ILDR2: variants seen among roughly 807,000 people sequenced by gnomAD.
ILDR2 encodes immunoglobulin like domain containing receptor 2, also known as immunoglobulin-like domain-containing receptor 2.
ILDR2 carries 25 observed loss-of-function variants against 66.8 expected under a neutral mutation model. That is an observed-to-expected ratio of 0.37 (90% CI 0.27 to 0.52). The LOEUF is 0.52. Among genes scored for constraint, ILDR2 ranks in the 20% least tolerant of loss-of-function variants. The pLI, the probability that ILDR2 is intolerant of heterozygous loss-of-function variation, is 0.88. For missense variants in ILDR2, 827 were observed against 876.8 expected (o/e 0.94, Z 0.72); for synonymous variants, 367 against 357.2 (o/e 1.03, Z -0.31).
At position 166,959,476 on chromosome 1, in the gene ILDR2, G is replaced by A. The variant is rs570093103; in HGVS notation, c.47-1375C>T. ...CAGTGGTGACCCAGCAAAGGGGACA[G>A]AGATGAAAAGGAAAATAAGTCTTTG... On this transcript the variant is annotated intron_variant, in intron 1 of 9. Transcript: ENST00000271417. Among the ~76,000 whole-genome samples the A allele has an allele frequency of 3.4e-4, 52 of 152,324 alleles. 1 individual carries two copies. The South Asian group carries it at 7.9e-3, about 23-fold the overall frequency.
chr1:166,933,626 A>G, intron 6 of ILDR2: 1 of 708,560 alleles, frequency 1.4e-6, no homozygotes, highest in Non-Finnish European at 1.7e-6. Flanking sequence ...AGTATTTGCT[A>G]TTCTATGAAT....
At chr1:166,896,374 C>CA (rs1170075179) in intron 2 of ILDR2, among the ~76,000 whole-genome samples, 1 of 152,036 alleles carries the variant, frequency 6.6e-6, no homozygotes, top group Non-Finnish European at 1.5e-5. Flanking sequence ...CAGGAGTCAG[C>CA]ATGTGAAGGA....
intron 6 of ILDR2, among the ~76,000 whole-genome samples, chr1:166,931,799 G>A (rs1571131181): frequency 6.6e-6 from 1 of 152,148 alleles, no homozygotes; most frequent in East Asian, 1.9e-4. Context: ...TTCTGGTTTG[G>A]GCTAAAAGGT....
intron 1 of ILDR2, among the ~76,000 whole-genome samples, chr1:166,959,644 C>A (rs745803350): frequency 2.0e-5 from 3 of 151,980 alleles, no homozygotes; most frequent in Non-Finnish European, 4.4e-5. Context: ...GCTTGGTGAC[C>A]AAGAAAGAAT....
At chr1:166,968,898 C>T (rs2102025401) in intron 1 of ILDR2, among the ~76,000 whole-genome samples, 1 of 152,182 alleles carries the variant, frequency 6.6e-6, no homozygotes, top group Middle Eastern at 3.4e-3. Context: ...GACTACAGGT[C>T]TCATATAATA....
rs1227105996 is a variant in ILDR2, at chr1:166,917,530, C to T, written c.*1825G>A. On this transcript the variant is annotated 3_prime_UTR_variant, in exon 10 of 10. Transcript: ENST00000271417. ...CTGCTGGATTAAGGGATAGCAAAGT[C>T]AAGCATTATCCTCCACTCCACAAGA... 1 of 152,156 alleles carries T rather than the reference C, an allele frequency of 6.6e-6. No homozygotes were observed. The highest frequency in any genetic ancestry group is 1.9e-4 in the East Asian group (1 of 5,192). The allele number at this position is 152,156 out of a possible 1,614,324, so 9.4% of individuals were successfully genotyped here. A position where few individuals can be genotyped will look rare whatever the true frequency, so the allele number is the denominator to read the frequency against.
chr1:166,927,000 C>A, intron 7 of ILDR2, 67 bp downstream of exon 7: 3 of 1,177,266 alleles, frequency 2.5e-6, no homozygotes, highest in Non-Finnish European at 3.6e-6. Flanking sequence ...TTTGGTGACC[C>A]CCAAATCCCC....
chr1:166,956,924 T>C (rs1431842157), intron 2 of ILDR2, 72 bp from the exon 3 acceptor site: 4 of 1,536,422 alleles, frequency 2.6e-6, no homozygotes, highest in Non-Finnish European at 2.7e-6. Context: ...ACAATGGGGG[T>C]TGGGAAGGGA....
chr1:166,928,831 A>G (rs527831159), intron 6 of ILDR2, among the ~76,000 whole-genome samples: 15 of 152,292 alleles, frequency 9.8e-5, no homozygotes, highest in Admixed American at 2.0e-4. Flanking sequence ...AATTACTTAG[A>G]AAAAAAATTA....
intron 1 of ILDR2, among the ~76,000 whole-genome samples, chr1:166,959,714 A>G (rs115971844): frequency 0.014 from 2,193 of 152,310 alleles, 49 homozygotes; most frequent in African/African-American, 0.05. Context: ...TCCCACATGA[A>G]CTCAATGATA....
Position 166,910,727 on chromosome 1 carries a change from G to C in ILDR2, c.*8628C>G, listed in dbSNP as rs1246885122. On this transcript the variant is annotated 3_prime_UTR_variant, in exon 10 of 10. Coordinates refer to ENST00000271417, the MANE Select transcript of ILDR2 (RefSeq NM_199351.3). Reference sequence around the variant, plus strand: ...AATTTTCACCTAAGTGGTGTGATGAGTATGATTAGGATGTCTCTGCCAAGA... The same window carrying C: ...AATTTTCACCTAAGTGGTGTGATGACTATGATTAGGATGTCTCTGCCAAGA... The C allele has an allele frequency of 6.6e-6, 1 of 152,242 alleles. No homozygotes were observed. The highest frequency in any genetic ancestry group is 1.5e-5 in the Non-Finnish European group (1 of 68,046). The allele number at this position is 152,242 out of a possible 1,614,324, so 9.4% of individuals were successfully genotyped here. A position where few individuals can be genotyped will look rare whatever the true frequency, so the allele number is the denominator to read the frequency against.
intron 2 of ILDR2, among the ~76,000 whole-genome samples, chr1:166,899,412 G>GAAAAGA (rs1557918449): frequency 4.0e-5 from 6 of 151,058 alleles, no homozygotes; most frequent in Admixed American, 2.6e-4. Context: ...AAAAAGAAAA[G>GAAAAGA]AAAAGAAAAA....
chr1:166,939,659 C>T lies in ILDR2; in HGVS notation c.500-89G>A, dbSNP rs188532965. The T allele has an allele frequency of 4.7e-3, 4,822 of 1,029,852 alleles. 27 individuals carry two copies. Among genetic ancestry groups the T allele is most frequent in the Non-Finnish European group, 5.3e-3 (3,521 of 658,656 alleles). 63.8% of individuals were successfully genotyped at this position (1,029,852 alleles called of 1,614,324 possible). A position where few individuals can be genotyped will look rare whatever the true frequency, so the allele number is the denominator to read the frequency against. The stretch of plus-strand genomic sequence containing the variant: ...GCCTGGCTCCAGTTGGTACCATCCA[C>T]ACGTGCGGCCATTAGTGCATGCTCT... On this transcript the variant is annotated intron_variant, in intron 3 of 9. Coordinates refer to ENST00000271417, the MANE Select transcript of ILDR2 (RefSeq NM_199351.3).
In ILDR2 at chr1:166,921,131, G is replaced by A. The variant is rs765131718; in HGVS notation, c.1460C>T (p.Pro487Leu). The change falls in exon 9 of 10, where the codon CCC becomes CTC. Residue 487 changes from proline (P) to leucine (L), a missense_variant. By Grantham distance (98) the Pro-to-Leu change is moderately conservative (BLOSUM62 -3). Around this residue, in one of 2 missense-constraint regions of ILDR2, gnomAD observed 390 missense variants for 353.6 expected, o/e 1.10. Coordinates refer to ENST00000271417, the MANE Select transcript of ILDR2 (RefSeq NM_199351.3). This position sits in a 1 kb window ranked among gnomAD's most constrained non-coding sequence, Gnocchi z 5.3. The stretch of plus-strand genomic sequence containing the variant: ...CCAGCCGCGGTCAGCATCGGTCAGG[G>A]GCTCGCGGCTGCGGCTGCGCTGACC... ...YYGQRSRSREPLTDADRGWAF... is the reference protein window; with the variant it reads ...YYGQRSRSRELLTDADRGWAF... 2.6e-6 allele frequency: 4 copies of A among 1,530,138 alleles called. No individual in the cohort carries two copies. The highest frequency in any genetic ancestry group is 3.9e-5 in the Admixed American group (2 of 50,746). 94.8% of individuals were successfully genotyped at this position (1,530,138 alleles called of 1,614,324 possible). A position where few individuals can be genotyped will look rare whatever the true frequency, so the allele number is the denominator to read the frequency against.
chr1:166,960,691 A>G (rs898450138), intron 1 of ILDR2, among the ~76,000 whole-genome samples: 3 of 152,164 alleles, frequency 2.0e-5, no homozygotes, highest in Non-Finnish European at 4.4e-5. Flanking sequence ...TTACATCCAG[A>G]TTATGTAGAT....
In ILDR2 at chr1:166,957,780, G is replaced by A. The variant is rs772645430; in HGVS notation, c.368C>T (p.Thr123Met). 5.0e-6 allele frequency: 8 copies of A among 1,610,028 alleles called. No homozygotes were observed. Among genetic ancestry groups the A allele is most frequent in the African/African-American group, 2.7e-5 (2 of 74,814 alleles). ...LGDFYRGREI[T>M]IVHDADLQIG... ...AGGGGCATTATTACCATGAACAATCGTGATCTCTCTGCCCCTGTAGAAATC... is the reference window on the plus strand; with the variant it reads ...AGGGGCATTATTACCATGAACAATCATGATCTCTCTGCCCCTGTAGAAATC... Residue 123 changes from threonine (T) to methionine (M), a missense_variant, in exon 2 of 10, where the codon ACG becomes ATG. Around this residue, in one of 2 missense-constraint regions of ILDR2, gnomAD observed 437 missense variants for 523.2 expected, o/e 0.84. Coordinates refer to ENST00000271417, the MANE Select transcript of ILDR2 (RefSeq NM_199351.3).
intron 6 of ILDR2, among the ~76,000 whole-genome samples, chr1:166,927,516 C>T (rs1353195333): frequency 2.0e-5 from 3 of 152,194 alleles, no homozygotes; most frequent in Non-Finnish European, 2.9e-5. Flanking sequence ...ATTGGAGGAG[C>T]ATATTCACAC....
rs752331552 is a variant in ILDR2 at position 166,921,323 on chromosome 1, G to T, written c.1268C>A (p.Pro423Gln). 2 of 1,588,592 alleles carry T rather than the reference G, an allele frequency of 1.3e-6. No homozygotes were observed. Among genetic ancestry groups the T allele is most frequent in the Admixed American group, 3.4e-5 (2 of 58,698 alleles). ...LSRKNFATGV[P>Q]AVSMDELAAF... is the part of the protein sequence containing the mutation. Reference sequence around the variant, plus strand: ...CGCCAGCTCGTCCATGGAAACGGCCGGCACCCCCGTGGCGAAGTTCTTCCG... The same window carrying T: ...CGCCAGCTCGTCCATGGAAACGGCCTGCACCCCCGTGGCGAAGTTCTTCCG... Residue 423 changes from proline (P) to glutamine (Q), a missense_variant, in exon 9 of 10, where the codon CCG becomes CAG. Pro to Gln is a moderately conservative substitution (Grantham distance 76). Around this residue, in one of 2 missense-constraint regions of ILDR2, gnomAD observed 390 missense variants for 353.6 expected, o/e 1.10. Transcript: ENST00000271417. This position sits in a 1 kb window ranked among gnomAD's most constrained non-coding sequence, Gnocchi z 5.3.
At chr1:166,925,140 A>G (rs570822849) in intron 7 of ILDR2, among the ~76,000 whole-genome samples, 1 of 152,358 alleles carries the variant, frequency 6.6e-6, no homozygotes, top group African/African-American at 2.4e-5. Flanking sequence ...AAAGCAAATG[A>G]GGACCATACT....
Sources: gnomAD v4.1 joint callset for allele counts (sites outside exome capture counted in the v4.1 genomes callset) on GRCh38, gnomAD v4.1.1 for gene constraint, gnomAD v4.1.1 regional missense constraint, Gnocchi (gnomAD v3.1) non-coding constraint, MANE v1.5 for transcripts, NCBI Gene and HGNC (gene_info 2026-07-23, HGNC 2026-07-21) for gene names.